Variants in LRRC3B observed in about 807,000 individuals in gnomAD.
LRRC3B encodes leucine rich repeat containing 3B.
A neutral mutation model predicts 12.8 loss-of-function variants in LRRC3B; 2 were observed. That is an observed-to-expected ratio of 0.16 (90% CI 0.06 to 0.49). The LOEUF (loss-of-function observed/expected upper bound fraction) is 0.49. Among genes scored for constraint, LRRC3B ranks in the 20% least tolerant of loss-of-function variants. LRRC3B has a pLI of 0.96. For synonymous variants in LRRC3B, 132 were observed against 122.0 expected, an observed-to-expected ratio of 1.08 and a Z score of -0.54; for missense variants, 189 against 319.4, an observed-to-expected ratio of 0.59 and a Z score of 3.11.
chr3:26,707,266 G>A (rs1235326424), intron 1 of LRRC3B, among the ~76,000 whole-genome samples: 1 of 151,912 alleles, frequency 6.6e-6, no homozygotes, highest in Non-Finnish European at 1.5e-5. Flanking sequence ...TCGGGAGGCT[G>A]GGGTGGGAGA....
intron 1 of LRRC3B, among the ~76,000 whole-genome samples, chr3:26,656,332 G>A (rs1052682590): frequency 2.0e-5 from 3 of 152,068 alleles, no homozygotes; most frequent in Non-Finnish European, 2.9e-5. Flanking sequence ...ATGATTGTGC[G>A]GGCAGTTTGA....
At chr3:26,690,495 A>C (rs996621952) in intron 1 of LRRC3B, among the ~76,000 whole-genome samples, 8 of 152,190 alleles carry the variant, frequency 5.3e-5, no homozygotes, top group Non-Finnish European at 1.2e-4. Context: ...GCAGACAATT[A>C]AATGGGTTTG....
chr3:26,646,566 T>A (rs1699148007), intron 1 of LRRC3B, among the ~76,000 whole-genome samples: 1 of 137,970 alleles, frequency 7.2e-6, no homozygotes, highest in African/African-American at 2.7e-5. Context: ...GTAAGCTGAT[T>A]CTTCAGCCCA....
chr3:26,667,323 T>G (rs1699626865), intron 1 of LRRC3B, among the ~76,000 whole-genome samples: 1 of 152,156 alleles, frequency 6.6e-6, no homozygotes, highest in South Asian at 2.1e-4. Context: ...TGGGTTGTCA[T>G]GCAAAGCTCC....
At chr3:26,685,535 A>C (rs1450633587) in intron 1 of LRRC3B, among the ~76,000 whole-genome samples, 7,545 of 93,266 alleles carry the variant, frequency 0.081, 260 homozygotes, top group Non-Finnish European at 0.13. Flanking sequence ...ATATATATAT[A>C]TATATATATA....
At chr3:26,641,447 C>T (rs181446124) in intron 1 of LRRC3B, among the ~76,000 whole-genome samples, 11 of 152,330 alleles carry the variant, frequency 7.2e-5, no homozygotes, top group African/African-American at 2.2e-4. Context: ...GCATGTCTGC[C>T]TTCCAGATCT....
intron 1 of LRRC3B, among the ~76,000 whole-genome samples, chr3:26,663,943 T>C (rs1699546165): frequency 6.6e-6 from 1 of 152,160 alleles, no homozygotes; most frequent in African/African-American, 2.4e-5. Flanking sequence ...CCTTTTTAAT[T>C]CAATCAGAGG....
chr3:26,709,728 A>G lies in LRRC3B; in HGVS notation c.56A>G (p.Gln19Arg). The G allele has an allele frequency of 6.2e-7, 1 of 1,614,078 alleles. No homozygotes were observed. Among genetic ancestry groups the G allele is most frequent in the South Asian group, 1.1e-5 (1 of 91,080 alleles). The change falls in exon 2 of 2, where the codon CAA (glutamine) becomes CGA (arginine). Residue 19 changes from glutamine (Q) to arginine (R), a missense_variant. Physicochemically the swap from Gln to Arg is conservative, Grantham distance 43 (BLOSUM62 1). Transcript: ENST00000396641. Reference sequence around the variant, plus strand: ...TCCCTCTCCATGTGTCTCCTCCTACAAAGTTTTGTTCTTATGATACTGTGC... The same window carrying G: ...TCCCTCTCCATGTGTCTCCTCCTACGAAGTTTTGTTCTTATGATACTGTGC...
chr3:26,698,993 C>T (rs1031272839), intron 1 of LRRC3B, among the ~76,000 whole-genome samples: 2 of 152,022 alleles, frequency 1.3e-5, no homozygotes, highest in African/African-American at 2.4e-5. Context: ...CATCTCTTTT[C>T]TTTATCTAGA....
At chr3:26,648,315 G>A (rs1699194543) in intron 1 of LRRC3B, among the ~76,000 whole-genome samples, 2 of 152,070 alleles carry the variant, frequency 1.3e-5, no homozygotes, top group Non-Finnish European at 2.9e-5. Context: ...AAATCAGACA[G>A]CGATTGGCAC....
intron 1 of LRRC3B, among the ~76,000 whole-genome samples, chr3:26,680,124 A>G (rs1170100934): frequency 6.6e-6 from 1 of 152,192 alleles, no homozygotes; most frequent in East Asian, 1.9e-4. Context: ...CAGTATTTCT[A>G]GGACTCTCCC....
At chr3:26,671,633 T>G (rs1442353262) in intron 1 of LRRC3B, among the ~76,000 whole-genome samples, 1 of 151,324 alleles carries the variant, frequency 6.6e-6, no homozygotes, top group Non-Finnish European at 1.5e-5. Flanking sequence ...GATCTCATGG[T>G]CCGCCCGCCT....
chr3:26,681,120 A>G (rs975931136), intron 1 of LRRC3B, among the ~76,000 whole-genome samples: 5 of 152,230 alleles, frequency 3.3e-5, no homozygotes, highest in African/African-American at 1.2e-4. Context: ...TGGAAATAAT[A>G]TATAGTTTCT....
At chr3:26,663,464 T>A (rs1409928649) in intron 1 of LRRC3B, among the ~76,000 whole-genome samples, 2 of 152,310 alleles carry the variant, frequency 1.3e-5, no homozygotes, top group East Asian at 3.9e-4. Flanking sequence ...CTCCATTTAA[T>A]GTAATCATGC....
At chr3:26,670,369 T>A (rs1699695001) in intron 1 of LRRC3B, among the ~76,000 whole-genome samples, 2 of 152,240 alleles carry the variant, frequency 1.3e-5, no homozygotes, top group African/African-American at 2.4e-5. Context: ...CCCCATTGCA[T>A]GCTAGAAGAT....
intron 1 of LRRC3B, among the ~76,000 whole-genome samples, chr3:26,660,208 G>C (rs1699465910): frequency 6.6e-6 from 1 of 152,150 alleles, no homozygotes. Flanking sequence ...GCTGTGTCTG[G>C]TTCCCGGATG....
At chr3:26,671,373 T>TATATATATATATATAGAGAGAGAC (rs1261897533) in intron 1 of LRRC3B, among the ~76,000 whole-genome samples, 3 of 28,248 alleles carry the variant, frequency 1.1e-4, no homozygotes, top group African/African-American at 4.4e-4. Context: ...TATATATATA[T>TATATATATATATATAGAGAGAGAC]AGAGAGAGAG....
At chr3:26,649,581 G>A (rs1161494210) in intron 1 of LRRC3B, among the ~76,000 whole-genome samples, 1 of 152,056 alleles carries the variant, frequency 6.6e-6, no homozygotes, top group Non-Finnish European at 1.5e-5. Context: ...ATATTTGAAG[G>A]TACAATACCT....
chr3:26,702,733 A>G (rs943463916), intron 1 of LRRC3B, among the ~76,000 whole-genome samples: 2 of 152,128 alleles, frequency 1.3e-5, no homozygotes, highest in African/African-American at 2.4e-5. Context: ...GACACCAACA[A>G]TTCAGGAAGG....
Sources: allele counts gnomAD v4.1 joint callset (sites outside exome capture counted in the v4.1 genomes callset), GRCh38; gene constraint gnomAD v4.1.1; transcripts MANE v1.5; gene names NCBI Gene and HGNC (gene_info 2026-07-23, HGNC 2026-07-21).